The following HPSE2 variants were observed in gnomAD, a reference collection of about 807,000 sequenced individuals.
HPSE2 encodes inactive heparanase-2.
In HPSE2, 38 loss-of-function variants were observed where a neutral mutation model predicts 60.5. That is an observed-to-expected ratio of 0.63 (90% CI 0.48 to 0.82). The LOEUF is 0.82. Among genes scored for constraint, HPSE2 ranks in the 40% least tolerant of loss-of-function variants. The pLI is 0.00. For missense variants in HPSE2, 713 were observed against 740.4 expected, an observed-to-expected ratio of 0.96 and a Z score of 0.43; for synonymous variants, 295 against 293.2, an observed-to-expected ratio of 1.01 and a Z score of -0.06.
chr10:98,707,983 A>T (rs927963050), intron 5 of HPSE2, among the ~76,000 whole-genome samples: 11 of 152,250 alleles, frequency 7.2e-5, no homozygotes, highest in African/African-American at 2.4e-4. Context: ...AATAAAATTT[A>T]AAAAACTATA....
At chr10:98,600,926 T>TA (rs1554950580) in intron 9 of HPSE2, among the ~76,000 whole-genome samples, 1 of 107,902 alleles carries the variant, frequency 9.3e-6, no homozygotes, top group Non-Finnish European at 1.9e-5. Flanking sequence ...TATATATATA[T>TA]ATATATATAT....
chr10:98,590,078 C>T (rs1945046023), intron 9 of HPSE2, among the ~76,000 whole-genome samples: 1 of 151,778 alleles, frequency 6.6e-6, no homozygotes, highest in South Asian at 2.1e-4. Flanking sequence ...AAAGCAAGAA[C>T]AGAAAAGTAA....
intron 2 of HPSE2, among the ~76,000 whole-genome samples, chr10:99,183,169 C>G (rs1031701353): frequency 5.3e-5 from 8 of 152,010 alleles, no homozygotes; most frequent in Non-Finnish European, 7.4e-5. Flanking sequence ...AGTAGTCTTA[C>G]TGAGTCAAGG....
At chr10:99,004,824 G>A (rs1383550632) in intron 3 of HPSE2, among the ~76,000 whole-genome samples, 1 of 152,108 alleles carries the variant, frequency 6.6e-6, no homozygotes, top group East Asian at 1.9e-4. Context: ...TGTATAAGAC[G>A]GGTCTGGTGG....
At chr10:98,482,293 G>A (rs1045265535) in intron 11 of HPSE2, among the ~76,000 whole-genome samples, 1 of 152,140 alleles carries the variant, frequency 6.6e-6, no homozygotes, top group Non-Finnish European at 1.5e-5. Flanking sequence ...ACATGACCAT[G>A]GGGCACTATT....
the HPSE2 span, among the ~76,000 whole-genome samples, chr10:99,309,545 C>T: frequency 1.3e-5 from 2 of 152,142 alleles, no homozygotes; most frequent in Non-Finnish European, 1.5e-5. Flanking sequence ...TTCATAAAGA[C>T]ACAGAGCAGG....
chr10:98,867,647 C>T (rs182370154), intron 3 of HPSE2, among the ~76,000 whole-genome samples: 2 of 152,288 alleles, frequency 1.3e-5, no homozygotes, highest in East Asian at 1.9e-4. Context: ...GCTGGATATA[C>T]ACCCCAAAGA....
At chr10:98,574,921 A>G (rs1385659553) in intron 9 of HPSE2, among the ~76,000 whole-genome samples, 3 of 152,204 alleles carry the variant, frequency 2.0e-5, no homozygotes, top group African/African-American at 7.2e-5. Context: ...TCTTGACCTC[A>G]GTGGTCTCCA....
chr10:98,925,837 T>G (rs542707062), intron 3 of HPSE2, among the ~76,000 whole-genome samples: 17 of 152,284 alleles, frequency 1.1e-4, no homozygotes, highest in African/African-American at 3.8e-4. Flanking sequence ...TGTGTTTGTA[T>G]TCATTGAGAT....
chr10:98,778,277 A>AGAGAGAGAGAGAGAGAGAGT (rs1950388569), intron 3 of HPSE2, among the ~76,000 whole-genome samples: 1 of 150,246 alleles, frequency 6.7e-6, no homozygotes, highest in African/African-American at 2.5e-5. Flanking sequence ...AGAGAGAGAG[A>AGAGAGAGAGAGAGAGAGAGT]GAGAGAGAGA....
intron 3 of HPSE2, among the ~76,000 whole-genome samples, chr10:98,921,790 G>T (rs1034791857): frequency 6.6e-6 from 1 of 152,170 alleles, no homozygotes; most frequent in Non-Finnish European, 1.5e-5. Context: ...TCCCACAGGT[G>T]CAGGAGAAGC....
rs554869773 is a variant in HPSE2, at chr10:99,062,760, A to G, written c.610+81478T>C. On this transcript the variant is annotated intron_variant, in intron 3 of 11. Coordinates refer to ENST00000370552, the MANE Select transcript of HPSE2 (RefSeq NM_021828.5). ...AGCCATAAAACAACATTGGCAGAGG[A>G]GAGGTGAGGAAGGGAAATGGGTGTC... Among the ~76,000 whole-genome samples, 3 of 152,302 alleles carry G rather than the reference A, an allele frequency of 2.0e-5. No homozygotes were observed. In the South Asian group the frequency reaches 6.2e-4, roughly 32 times the overall value.
chr10:99,270,514 A>G, the HPSE2 span, among the ~76,000 whole-genome samples: 3 of 152,172 alleles, frequency 2.0e-5, no homozygotes, highest in African/African-American at 4.8e-5. Flanking sequence ...GTCAACAAAA[A>G]AAAGTCCAGG....
chr10:98,788,763 T>C (rs911268801), intron 3 of HPSE2, among the ~76,000 whole-genome samples: 13 of 151,536 alleles, frequency 8.6e-5, no homozygotes, highest in Non-Finnish European at 1.6e-4. Flanking sequence ...CCTGACCCCT[T>C]GCGCTTCCCA....
intron 3 of HPSE2, among the ~76,000 whole-genome samples, chr10:98,770,855 C>A (rs1304078952): frequency 6.6e-6 from 1 of 152,046 alleles, no homozygotes; most frequent in African/African-American, 2.4e-5. Context: ...GACTCATCAA[C>A]CAAAAGGGAA....
At chr10:99,154,181 G>C (rs11189996) in intron 2 of HPSE2, among the ~76,000 whole-genome samples, 2,172 of 141,120 alleles carry the variant, frequency 0.015, 57 homozygotes, top group African/African-American at 0.052. Context: ...ACACTCTGCA[G>C]GATATTATCC....
Position 98,889,321 on chromosome 10 carries a change from C to T in HPSE2, c.611-145265G>A, listed in dbSNP as rs1036571800. On this transcript the variant is annotated intron_variant, in intron 3 of 11. Transcript: ENST00000370552. ...CCTCAGCCTCCCGAGTAGCTGGGAC[C>T]ACAGGTATGTACCACCACGCCTGGC... 2.0e-5 allele frequency among the ~76,000 whole-genome samples: 3 copies of T among 151,842 alleles called. No homozygotes were observed. The East Asian group carries it at 5.8e-4, about 29-fold the overall frequency.
chr10:98,477,115 C>A (rs1244872719), intron 11 of HPSE2, among the ~76,000 whole-genome samples: 1 of 152,178 alleles, frequency 6.6e-6, no homozygotes, highest in Non-Finnish European at 1.5e-5. Flanking sequence ...TTGTGTGACA[C>A]TTGAATAAGT....
chr10:98,936,452 C>A lies in HPSE2; in HGVS notation c.611-192396G>T, dbSNP rs1374598352. On this transcript the variant is annotated intron_variant, in intron 3 of 11. Coordinates refer to ENST00000370552, the MANE Select transcript of HPSE2 (RefSeq NM_021828.5). ...TAGGCTCACGAGGGAATCTCCTAATCCCCAGATAGCAAAAATCTTTGGGAA... is the reference window on the plus strand; with the variant it reads ...TAGGCTCACGAGGGAATCTCCTAATACCCAGATAGCAAAAATCTTTGGGAA... 1.4e-5 allele frequency among the ~76,000 whole-genome samples: 2 copies of A among 143,178 alleles called. 1 individual carries two copies. Among genetic ancestry groups the A allele is most frequent in the Non-Finnish European group, 3.0e-5 (2 of 67,066 alleles). 93.9% of individuals were successfully genotyped at this position (143,178 alleles called of 152,430 possible).
Sources: allele counts gnomAD v4.1 joint callset (sites outside exome capture counted in the v4.1 genomes callset), GRCh38; gene constraint gnomAD v4.1.1; transcripts MANE v1.5; gene names NCBI Gene and HGNC (gene_info 2026-07-23, HGNC 2026-07-21).